The following INPP4B variants were observed in gnomAD, a reference collection of about 807,000 sequenced individuals.
The protein encoded by INPP4B is inositol polyphosphate 4-phosphatase type II.
A neutral mutation model predicts 122.5 loss-of-function variants in INPP4B; 55 were observed. The ratio of observed to expected loss-of-function variants is 0.45; its 90% CI spans 0.36 to 0.56. INPP4B has a LOEUF of 0.56. Ranked by LOEUF, INPP4B falls within the 20% of genes least tolerant of loss-of-function variation. INPP4B has a pLI of 0.00. For synonymous variants in INPP4B, 403 were observed against 388.7 expected, an observed-to-expected ratio of 1.04 and a Z score of -0.43; for missense variants, 1,000 against 1,097.7, an observed-to-expected ratio of 0.91 and a Z score of 1.26.
intron 21 of INPP4B, among the ~76,000 whole-genome samples, chr4:142,115,170 CA>C (rs1203418027): frequency 6.6e-6 from 1 of 151,948 alleles, no homozygotes; most frequent in African/African-American, 2.4e-5. Context: ...GTGAAAAGAC[CA>C]AATCTACATC....
intron 16 of INPP4B, among the ~76,000 whole-genome samples, chr4:142,169,251 T>G (rs66588504): frequency 0.1 from 15,186 of 151,664 alleles, 1,121 homozygotes; most frequent in African/African-American, 0.2. Context: ...AGCAACATAA[T>G]TTCTGTCCTG....
rs188977987 is a variant in INPP4B, at chr4:142,324,126, G to A, written c.373-9364C>T. ...GGAGATACCAGAAAAGCTCTGCCCA[G>A]AGGAAAGACCATGCAAAGAGGCAGC... On this transcript the variant is annotated intron_variant, in intron 7 of 25. Coordinates refer to ENST00000262992, the MANE Select transcript of INPP4B (RefSeq NM_001101669.3). Among the ~76,000 whole-genome samples, 625 of 152,282 alleles carry A rather than the reference G, an allele frequency of 4.1e-3. 7 individuals are homozygous for A. The highest frequency in any genetic ancestry group is 0.014 in the African/African-American group (578 of 41,556).
chr4:142,496,813 G>A (rs377286904), intron 2 of INPP4B: 7 of 152,060 alleles, frequency 4.6e-5, no homozygotes, highest in East Asian at 1.9e-4. Flanking sequence ...GTAAATAATC[G>A]TCTTAACTTC....
rs1450037878 is a variant in INPP4B, at chr4:142,027,092, G to A, written c.*1690C>T. 2 of 152,076 alleles carry A rather than the reference G, an allele frequency of 1.3e-5. No individual in the cohort carries two copies. The highest frequency in any genetic ancestry group is 2.9e-5 in the Non-Finnish European group (2 of 68,024). The allele number at this position is 152,076 out of a possible 1,614,324, so 9.4% of individuals were successfully genotyped here. A position where few individuals can be genotyped will look rare whatever the true frequency, so the allele number is the denominator to read the frequency against. On this transcript the variant is annotated 3_prime_UTR_variant, in exon 26 of 26. Transcript: ENST00000262992. ...AAGAATGAGTTAAGAGAACATCAAG[G>A]TAATTTTGTCTATGAATGGATTCAA... is the stretch of plus-strand genomic sequence containing the variant.
In INPP4B at chr4:142,626,824, T is replaced by A. The variant is rs530073786; in HGVS notation, c.-191+99015A>T. Among the ~76,000 whole-genome samples the A allele has an allele frequency of 3.9e-5, 6 of 152,188 alleles. No individual in the cohort carries two copies. The South Asian group carries it at 1.2e-3, about 32-fold the overall frequency. Reference sequence around the variant, plus strand: ...TAAGTTAATTGTTCTTAATACTTACTGAAATTTCCTCAAATAAACTAGTAG... The same window carrying A: ...TAAGTTAATTGTTCTTAATACTTACAGAAATTTCCTCAAATAAACTAGTAG... On this transcript the variant is annotated intron_variant, in intron 2 of 25. Coordinates refer to ENST00000262992, the MANE Select transcript of INPP4B (RefSeq NM_001101669.3).
At chr4:142,770,436 T>C (rs1772869009) in intron 1 of INPP4B, among the ~76,000 whole-genome samples, 1 of 152,110 alleles carries the variant, frequency 6.6e-6, no homozygotes, top group African/African-American at 2.4e-5. Flanking sequence ...TGACAGATCC[T>C]TTTTTTCAGT....
At chr4:142,132,417 T>C (rs1488353717) in intron 18 of INPP4B, among the ~76,000 whole-genome samples, 1 of 152,216 alleles carries the variant, frequency 6.6e-6, no homozygotes, top group Non-Finnish European at 1.5e-5. Context: ...GTAGAATTAA[T>C]TCTACAGTGT....
At chr4:142,143,355 T>A (rs943063472) in intron 18 of INPP4B, among the ~76,000 whole-genome samples, 1 of 2,144 alleles carries the variant, frequency 4.7e-4, no homozygotes, top group Non-Finnish European at 6.3e-3. Context: ...TATATAAGCA[T>A]CTGTACTGAG....
intron 2 of INPP4B, among the ~76,000 whole-genome samples, chr4:142,522,927 A>T (rs1440105629): frequency 6.6e-6 from 1 of 152,166 alleles, no homozygotes; most frequent in African/African-American, 2.4e-5. Context: ...AAATAGTGGT[A>T]TTGAAATCAT....
intron 7 of INPP4B, among the ~76,000 whole-genome samples, chr4:142,371,242 C>A (rs1379337338): frequency 6.6e-6 from 1 of 152,032 alleles, no homozygotes; most frequent in Non-Finnish European, 1.5e-5. Flanking sequence ...TGAAACTAGA[C>A]CCCAATCTCT....
intron 11 of INPP4B, among the ~76,000 whole-genome samples, chr4:142,252,355 A>C (rs1561626613): frequency 6.6e-6 from 1 of 151,066 alleles, no homozygotes; most frequent in African/African-American, 2.4e-5. Context: ...CGCCCGGCTA[A>C]TTTTTTGTAT....
At chr4:142,163,189 A>G (rs1180095781) in intron 16 of INPP4B, among the ~76,000 whole-genome samples, 2 of 151,912 alleles carry the variant, frequency 1.3e-5, no homozygotes, top group African/African-American at 4.8e-5. Flanking sequence ...GAAAATATTA[A>G]GTGAAAAAAA....
At chr4:142,833,918 C>A (rs562622213) in intron 1 of INPP4B, among the ~76,000 whole-genome samples, 2 of 152,216 alleles carry the variant, frequency 1.3e-5, no homozygotes, top group East Asian at 3.9e-4. Context: ...TTTATAACAC[C>A]AAATAATTGC....
rs556718250 is a variant in INPP4B at position 142,498,180 on chromosome 4, C to T, written c.-190-35454G>A. On this transcript the variant is annotated intron_variant, in intron 2 of 25. Transcript: ENST00000262992. ...ATACATATATATGTATGTATACATA[C>T]ATATGTATGTGTGTGCGTGTGTGTA... 6.7e-3 allele frequency among the ~76,000 whole-genome samples: 1,008 copies of T among 149,842 alleles called. 13 individuals are homozygous for T. Among genetic ancestry groups the T allele is most frequent in the African/African-American group, 0.023 (953 of 40,644 alleles).
chr4:142,665,841 G>A (rs950913818), intron 2 of INPP4B, among the ~76,000 whole-genome samples: 9 of 151,930 alleles, frequency 5.9e-5, no homozygotes, highest in African/African-American at 2.2e-4. Context: ...TGTCCATGAG[G>A]GCTATGTTCT....
chr4:142,507,063 C>G (rs1388136284), intron 2 of INPP4B, among the ~76,000 whole-genome samples: 1 of 152,178 alleles, frequency 6.6e-6, no homozygotes, highest in African/African-American at 2.4e-5. Flanking sequence ...GTCTCAACTT[C>G]CATGATCCTG....
intron 12 of INPP4B, among the ~76,000 whole-genome samples, chr4:142,233,000 T>G (rs1855080036): frequency 1.3e-5 from 2 of 152,078 alleles, no homozygotes; most frequent in African/African-American, 4.8e-5. Flanking sequence ...TGACAGACAT[T>G]GGTTCATGAA....
intron 1 of INPP4B, among the ~76,000 whole-genome samples, chr4:142,779,833 C>G (rs1037345735): frequency 6.6e-6 from 1 of 151,952 alleles, no homozygotes; most frequent in Non-Finnish European, 1.5e-5. Context: ...GAGGTTGGTG[C>G]AAAAGTAATT....
Position 142,123,430 on chromosome 4 carries a change from T to G in INPP4B, c.1894-15A>C. 6.2e-7 allele frequency: 1 copy of G among 1,607,742 alleles called. No homozygotes were observed. Among genetic ancestry groups the G allele is most frequent in the Non-Finnish European group, 8.5e-7 (1 of 1,177,334 alleles). The stretch of plus-strand genomic sequence containing the variant: ...AATCCAGCAAGCTGAAAAAAAAATA[T>G]TGATGAGATTTACTGCAGTTAGCAA... On this transcript the variant is annotated splice_polypyrimidine_tract_variant and intron_variant, in intron 19 of 25. Transcript: ENST00000262992.
Sources: gnomAD v4.1 joint callset for allele counts (sites outside exome capture counted in the v4.1 genomes callset) on GRCh38, gnomAD v4.1.1 for gene constraint, MANE v1.5 for transcripts, NCBI Gene and HGNC (gene_info 2026-07-23, HGNC 2026-07-21) for gene names.